DBNDD1: variants seen among roughly 807,000 people sequenced by gnomAD.
DBNDD1 encodes dysbindin domain-containing protein 1.
Under a neutral mutation model 17.0 loss-of-function variants are expected in DBNDD1, and 14 were observed. That is an observed-to-expected ratio of 0.82 (90% confidence interval 0.54 to 1.29). The LOEUF is 1.29. Ranked by LOEUF, DBNDD1 falls within the 50% of genes most tolerant of loss-of-function variation. DBNDD1 has a pLI of 0.00. For synonymous variants in DBNDD1, 105 were observed against 102.0 expected (o/e 1.03, Z -0.18); for missense variants, 221 against 216.2 (o/e 1.02, Z -0.14).
chr16:90,019,643 G>T (rs2035740375), upstream of DBNDD1: 1 of 423,084 alleles, frequency 2.4e-6, no homozygotes, highest in South Asian at 6.1e-5. The surrounding 1 kb of genome is among the most constrained non-coding windows in gnomAD (Gnocchi z 6.1). Flanking sequence ...CTTCCCTCGC[G>T]GGCCGCGCCC....
rs78972728 is a variant in DBNDD1 at position 90,016,790 on chromosome 16, A to G, written c.31+2521T>C. Among the ~76,000 whole-genome samples the G allele has an allele frequency of 8.0e-3, 1,213 of 152,308 alleles. 19 individuals are homozygous for G. The highest frequency in any genetic ancestry group is 0.028 in the African/African-American group (1,167 of 41,576). ...GTTGTGTGCCCAGGGCCCCGTCCAG[A>G]GCATCGAGGAGGCACTTGGCACACA... is the stretch of plus-strand genomic sequence containing the variant. On this transcript the variant is annotated intron_variant, in intron 1 of 3. Transcript: ENST00000002501.
chr16:90,017,496 A>G (rs1483105060), intron 1 of DBNDD1, among the ~76,000 whole-genome samples: 1 of 37,018 alleles, frequency 2.7e-5, no homozygotes, highest in African/African-American at 9.5e-5. Context: ...CTCCGTCTCA[A>G]AAAAAAAAAA....
intron 1 of DBNDD1, among the ~76,000 whole-genome samples, chr16:90,017,588 G>A (rs1050978839): frequency 4.6e-5 from 7 of 152,246 alleles, no homozygotes; most frequent in Admixed American, 2.6e-4. Flanking sequence ...AATGAAGGGA[G>A]GTTGGTGGTA....
chr16:90,006,127 C>T lies in DBNDD1; in HGVS notation c.*208G>A, dbSNP rs373504741. 4.1e-5 allele frequency: 29 copies of T among 712,856 alleles called. 2 individuals carry two copies. The highest frequency in any genetic ancestry group is 3.3e-4 in the Admixed American group (11 of 33,208). The allele number at this position is 712,856 out of a possible 1,614,324, so 44.2% of individuals were successfully genotyped here. A position where few individuals can be genotyped will look rare whatever the true frequency, so the allele number is the denominator to read the frequency against. Reference sequence around the variant, plus strand: ...GGCCCCGTGTGTCCCCCAGGAAAGCCGGCTGGTCTCCAAGTGAGGCGAAGA... The same window carrying T: ...GGCCCCGTGTGTCCCCCAGGAAAGCTGGCTGGTCTCCAAGTGAGGCGAAGA... On this transcript the variant is annotated 3_prime_UTR_variant, in exon 4 of 4. Transcript: ENST00000002501.
chr16:90,006,241 G>T lies in DBNDD1; in HGVS notation c.*94C>A. The T allele has an allele frequency of 6.9e-7, 1 of 1,456,724 alleles. No individual in the cohort carries two copies. Among genetic ancestry groups the T allele is most frequent in the Non-Finnish European group, 9.2e-7 (1 of 1,090,994 alleles). 90.2% of individuals were successfully genotyped at this position (1,456,724 alleles called of 1,614,324 possible). A position where few individuals can be genotyped will look rare whatever the true frequency, so the allele number is the denominator to read the frequency against. ...AGGAGGTGACGGCTGGAGCCTCGTG[G>T]GCGGGTGAAGTGTGTCTGCTGGGTC... On this transcript the variant is annotated 3_prime_UTR_variant, in exon 4 of 4. Transcript: ENST00000002501.
At chr16:90,006,750 G>GC (rs1340467243) in intron 3 of DBNDD1, 2 of 493,220 alleles carry the variant, frequency 4.1e-6, no homozygotes, top group Non-Finnish European at 7.3e-6. Context: ...TATAGTCTAG[G>GC]CTGAGCCTCT....
At position 90,009,314 on chromosome 16, in the gene DBNDD1, G is replaced by T. The variant is rs2035504872; in HGVS notation, c.148C>A (p.Pro50Thr). The T allele has an allele frequency of 1.2e-6, 2 of 1,613,568 alleles. No individual in the cohort carries two copies. Among genetic ancestry groups the T allele is most frequent in the Non-Finnish European group, 1.7e-6 (2 of 1,179,986 alleles). Reference sequence around the variant, plus strand: ...CTCTCCGTGACCTGCAGGAGCCCCGGTGCTGGTACTGGGATGCCCCCGACC... The same window carrying T: ...CTCTCCGTGACCTGCAGGAGCCCCGTTGCTGGTACTGGGATGCCCCCGACC... ...EEVGGIPVPA[P>T]GLLQVTERRQ... Residue 50 changes from proline (P) to threonine (T), a missense_variant, in exon 2 of 4, where the codon CCG becomes ACG. Pro to Thr is a conservative substitution (Grantham distance 38, BLOSUM62 -1). Transcript: ENST00000002501.
intron 1 of DBNDD1, among the ~76,000 whole-genome samples, chr16:90,010,573 C>T (rs1597580287): frequency 6.6e-6 from 1 of 151,094 alleles, no homozygotes; most frequent in South Asian, 2.1e-4. Flanking sequence ...TCGTGATCCA[C>T]CCGCCTTGGC....
chr16:90,018,901 G>A (rs1001629596), intron 1 of DBNDD1, among the ~76,000 whole-genome samples: 5 of 152,188 alleles, frequency 3.3e-5, no homozygotes, highest in African/African-American at 4.8e-5. Flanking sequence ...GCGGCTGGGC[G>A]AACAAAGCGG....
At chr16:90,017,373 T>C (rs2035657419) in intron 1 of DBNDD1, among the ~76,000 whole-genome samples, 1 of 151,936 alleles carries the variant, frequency 6.6e-6, no homozygotes, top group Non-Finnish European at 1.5e-5. Context: ...CGGGCGCCTG[T>C]AGTCCCAGCC....
chr16:90,006,369 G>A lies in DBNDD1; in HGVS notation c.443C>T (p.Thr148Met), dbSNP rs746684849. Residue 148 changes from threonine to methionine, a missense_variant, in exon 4 of 4, where the codon ACG (threonine) becomes ATG (methionine). Physicochemically the swap from Thr to Met is moderately conservative, Grantham distance 81. Coordinates refer to ENST00000002501, the MANE Select transcript of DBNDD1 (RefSeq NM_001042610.3). The stretch of plus-strand genomic sequence containing the variant: ...CTGGGGCCTCTCCACAGTGAGAAAC[G>A]TGTCCAGGACTGTGGCCTGCCGCTC... ...DPERQATVLD[T>M]FLTVERPQED 4.4e-6 allele frequency: 7 copies of A among 1,609,184 alleles called. No individual in the cohort carries two copies. Among genetic ancestry groups the A allele is most frequent in the Admixed American group, 1.7e-5 (1 of 59,860 alleles).
At chr16:90,012,589 A>C (rs546263861) in intron 1 of DBNDD1, among the ~76,000 whole-genome samples, 1 of 151,638 alleles carries the variant, frequency 6.6e-6, no homozygotes, top group Non-Finnish European at 1.5e-5. Flanking sequence ...CCTTCCGAGT[A>C]GCTGGGATTA....
At position 90,008,777 on chromosome 16, in the gene DBNDD1, G is replaced by T. The variant is rs1411468409; in HGVS notation, c.319+7C>A. 4.4e-6 allele frequency: 7 copies of T among 1,589,882 alleles called. No homozygotes were observed. The highest frequency in any genetic ancestry group is 6.0e-6 in the Non-Finnish European group (7 of 1,164,262). ...ACCTCCCAGCCCAGCCCTGATGCCG[G>T]CCTCACCTGCTGGGGACTCGGTGTT... On this transcript the variant is annotated splice_region_variant and intron_variant, in intron 3 of 3. Coordinates refer to ENST00000002501, the MANE Select transcript of DBNDD1 (RefSeq NM_001042610.3).
At chr16:90,015,917 G>A (rs1481201240) in intron 1 of DBNDD1, among the ~76,000 whole-genome samples, 1 of 152,102 alleles carries the variant, frequency 6.6e-6, no homozygotes, top group Non-Finnish European at 1.5e-5. Flanking sequence ...TATAAAATTA[G>A]ATAGTGGTGG....
intron 1 of DBNDD1, among the ~76,000 whole-genome samples, chr16:90,013,017 C>A (rs957193777): frequency 6.6e-6 from 1 of 151,894 alleles, no homozygotes; most frequent in Non-Finnish European, 1.5e-5. Context: ...CTCTGGCAGC[C>A]CCCTAATATC....
chr16:90,017,763 C>T (rs2035667153), intron 1 of DBNDD1, among the ~76,000 whole-genome samples: 1 of 152,218 alleles, frequency 6.6e-6, no homozygotes, highest in Non-Finnish European at 1.5e-5. Context: ...TCACTGGCCA[C>T]TTTGCAGACA....
chr16:90,010,200 C>A (rs758886260), intron 1 of DBNDD1: 5 of 626,980 alleles, frequency 8.0e-6, no homozygotes, highest in Non-Finnish European at 1.1e-5. Flanking sequence ...CATGCACCAG[C>A]ACGCCCGGCT....
At chr16:90,019,607 C>G (rs1480613009), upstream of DBNDD1, 2 of 347,162 alleles carry the variant, frequency 5.8e-6, no homozygotes, top group Non-Finnish European at 1.0e-5. The surrounding 1 kb of genome is among the most constrained non-coding windows in gnomAD (Gnocchi z 6.1). Context: ...TGGCCCCTGG[C>G]CCAGCGGACC....
intron 1 of DBNDD1, among the ~76,000 whole-genome samples, chr16:90,010,739 A>G (rs1038933238): frequency 6.6e-6 from 1 of 151,966 alleles, no homozygotes; most frequent in African/African-American, 2.4e-5. Flanking sequence ...CCATCCCTCC[A>G]CAGATCCCCT....
Sources: gnomAD v4.1 joint callset for allele counts (sites outside exome capture counted in the v4.1 genomes callset) on GRCh38, gnomAD v4.1.1 for gene constraint, Gnocchi (gnomAD v3.1) non-coding constraint, MANE v1.5 for transcripts, NCBI Gene and HGNC (gene_info 2026-07-23, HGNC 2026-07-21) for gene names.